Variants in DSCAM observed in about 807,000 individuals in gnomAD.
DSCAM encodes the protein cell adhesion molecule DSCAM.
A neutral mutation model predicts 217.7 loss-of-function variants in DSCAM; 47 were observed. The ratio of observed to expected loss-of-function variants is 0.22; its 90% CI spans 0.17 to 0.28. The LOEUF is 0.28. Ranked by LOEUF, DSCAM falls within the 10% of genes least tolerant of loss-of-function variation. The pLI is 1.00. For synonymous variants in DSCAM, 1,056 were observed against 1,015.3 expected, an observed-to-expected ratio of 1.04 and a Z score of -0.76; for missense variants, 2,080 against 2,618.3, an observed-to-expected ratio of 0.79 and a Z score of 4.49.
chr21:40,157,620 T>G (rs769013540), intron 16 of DSCAM, among the ~76,000 whole-genome samples: 1 of 152,226 alleles, frequency 6.6e-6, no homozygotes, highest in Non-Finnish European at 1.5e-5. Context: ...CTGCCCTCTA[T>G]AGCTCAGTAG....
intron 10 of DSCAM, among the ~76,000 whole-genome samples, chr21:40,291,551 T>C (rs1490040243): frequency 1.3e-5 from 2 of 152,152 alleles, no homozygotes; most frequent in African/African-American, 4.8e-5. Context: ...ATGTCCTCCT[T>C]GGTGTTTCTG....
intron 11 of DSCAM, among the ~76,000 whole-genome samples, chr21:40,230,422 T>C (rs2146922378): frequency 6.6e-6 from 1 of 152,328 alleles, no homozygotes. Flanking sequence ...ACTTCTGGAA[T>C]TGGCCAATTT....
chr21:40,578,522 CA>C (rs1341580074), intron 3 of DSCAM, among the ~76,000 whole-genome samples: 1 of 152,154 alleles, frequency 6.6e-6, no homozygotes, highest in East Asian at 1.9e-4. Flanking sequence ...TAAAATGGAC[CA>C]ATCAGCAGGA....
chr21:40,820,094 G>A (rs1456903588), intron 1 of DSCAM, among the ~76,000 whole-genome samples: 1 of 152,128 alleles, frequency 6.6e-6, no homozygotes, highest in African/African-American at 2.4e-5. Context: ...GTCATGCCCA[G>A]CAATCCCATT....
chr21:40,790,923 T>C (rs929882489), intron 1 of DSCAM, among the ~76,000 whole-genome samples: 7 of 152,016 alleles, frequency 4.6e-5, no homozygotes, highest in Non-Finnish European at 8.8e-5. Flanking sequence ...ATGCCTGTAA[T>C]CCCAGCACTT....
In DSCAM at chr21:40,096,928, A is replaced by G. The variant is rs1268816225; in HGVS notation, c.3697-3054T>C. 2.6e-5 allele frequency among the ~76,000 whole-genome samples: 4 copies of G among 152,196 alleles called. No individual in the cohort carries two copies. In the East Asian group the frequency reaches 5.8e-4, roughly 22 times the overall value. ...AAGAAAAAAATCAACCTAGAATTCT[A>G]TATTCAACAAATATAATTCAAAATG... On this transcript the variant is annotated intron_variant, in intron 20 of 32. Transcript: ENST00000400454.
intron 2 of DSCAM, among the ~76,000 whole-genome samples, chr21:40,694,705 G>A (rs1013269083): frequency 6.6e-6 from 1 of 151,942 alleles, no homozygotes; most frequent in Non-Finnish European, 1.5e-5. Flanking sequence ...CACACCTCCT[G>A]CAGGAGGTCC....
intron 3 of DSCAM, among the ~76,000 whole-genome samples, chr21:40,668,774 G>A (rs932257573): frequency 5.9e-5 from 9 of 152,002 alleles, no homozygotes; most frequent in South Asian, 2.1e-4. Context: ...AGAAACTAAC[G>A]TCTGTGTAAC....
At chr21:40,056,754 G>A (rs1236891064) in intron 28 of DSCAM, among the ~76,000 whole-genome samples, 1 of 152,206 alleles carries the variant, frequency 6.6e-6, no homozygotes, top group Non-Finnish European at 1.5e-5. Context: ...CATCAATCCA[G>A]CTCAATTGTT....
At chr21:40,455,792 A>G (rs902289675) in intron 3 of DSCAM, among the ~76,000 whole-genome samples, 1 of 152,092 alleles carries the variant, frequency 6.6e-6, no homozygotes, top group Non-Finnish European at 1.5e-5. Flanking sequence ...AACAAAACAA[A>G]AAAACGACAT....
intron 1 of DSCAM, among the ~76,000 whole-genome samples, chr21:40,727,293 T>A (rs2146518373): frequency 6.6e-6 from 1 of 152,324 alleles, no homozygotes; most frequent in Non-Finnish European, 1.5e-5. Context: ...TCCACTTAGC[T>A]ATGCCCCTGT....
intron 5 of DSCAM, 149 bp downstream of exon 5, chr21:40,353,316 C>A: frequency 9.4e-7 from 1 of 1,065,124 alleles, no homozygotes. Context: ...CATTAATTTT[C>A]ACATCTGTAA....
intron 1 of DSCAM, among the ~76,000 whole-genome samples, chr21:40,749,754 T>C (rs903899533): frequency 5.9e-5 from 9 of 152,122 alleles, no homozygotes; most frequent in African/African-American, 1.9e-4. Flanking sequence ...AATCAGTGTG[T>C]TGAAGGGATG....
chr21:40,672,797 C>G (rs75463701), intron 3 of DSCAM, among the ~76,000 whole-genome samples: 1 of 152,230 alleles, frequency 6.6e-6, no homozygotes, highest in East Asian at 1.9e-4. Context: ...CTTTCTCTCA[C>G]CCCCACATCT....
intron 3 of DSCAM, among the ~76,000 whole-genome samples, chr21:40,441,169 C>T (rs1304849376): frequency 6.6e-6 from 1 of 152,084 alleles, no homozygotes. Context: ...GACCCTAGAG[C>T]CCAGGTTCCA....
chr21:40,314,340 C>T (rs1158353792), intron 8 of DSCAM, among the ~76,000 whole-genome samples: 1 of 152,198 alleles, frequency 6.6e-6, no homozygotes, highest in Non-Finnish European at 1.5e-5. Flanking sequence ...GTCAAAGGTA[C>T]CGACAAGCAT....
At chr21:40,026,736 T>G (rs547405571) in intron 32 of DSCAM, among the ~76,000 whole-genome samples, 1,705 of 147,504 alleles carry the variant, frequency 0.012, 47 homozygotes, top group Non-Finnish European at 0.014. Flanking sequence ...TAGATCTTCC[T>G]CCATCCTTTT....
chr21:40,608,323 G>A (rs2089269601), intron 3 of DSCAM, among the ~76,000 whole-genome samples: 2 of 152,152 alleles, frequency 1.3e-5, no homozygotes, highest in Non-Finnish European at 1.5e-5. Flanking sequence ...GCAAAGAACA[G>A]CAAAATATCC....
At chr21:40,542,233 A>G (rs16999964) in intron 3 of DSCAM, among the ~76,000 whole-genome samples, 11,577 of 152,270 alleles carry the variant, frequency 0.076, 861 homozygotes, top group African/African-American at 0.19. Context: ...AGTGCTATCT[A>G]TACATATCGT....
Sources: gnomAD v4.1 joint callset for allele counts (sites outside exome capture counted in the v4.1 genomes callset) on GRCh38, gnomAD v4.1.1 for gene constraint, MANE v1.5 for transcripts, NCBI Gene and HGNC (gene_info 2026-07-23, HGNC 2026-07-21) for gene names.